AUTS2: variants seen among roughly 807,000 people sequenced by gnomAD.
The protein encoded by AUTS2 is autism susceptibility gene 2 protein.
AUTS2 carries 17 observed loss-of-function variants against 112.4 expected under a neutral mutation model. That is an observed-to-expected ratio of 0.15 (90% CI 0.10 to 0.23). AUTS2 has a LOEUF of 0.23. AUTS2 is among the 10% of genes least tolerant of loss of function. The pLI, the probability that AUTS2 is intolerant of heterozygous loss-of-function variation, is 1.00. For missense variants in AUTS2, 1,510 were observed against 1,701.6 expected, an observed-to-expected ratio of 0.89 and a Z score of 1.98; for synonymous variants, 751 against 702.7, an observed-to-expected ratio of 1.07 and a Z score of -1.09.
At chr7:70,449,415 C>T (rs893261626) in intron 5 of AUTS2, among the ~76,000 whole-genome samples, 1 of 152,160 alleles carries the variant, frequency 6.6e-6, no homozygotes, top group Non-Finnish European at 1.5e-5. Flanking sequence ...GGTGCTTACA[C>T]CTGGATTGGT....
intron 5 of AUTS2, among the ~76,000 whole-genome samples, chr7:70,640,421 GAAA>G (rs57911940): frequency 5.3e-5 from 5 of 93,612 alleles, no homozygotes; most frequent in African/African-American, 1.7e-4. Context: ...CTCACAGGGG[GAAA>G]AAAAAAAAAA....
intron 5 of AUTS2, among the ~76,000 whole-genome samples, chr7:70,629,408 G>C (rs1455368002): frequency 1.3e-5 from 2 of 152,060 alleles, no homozygotes; most frequent in Non-Finnish European, 2.9e-5. Context: ...GGAGGCCAAG[G>C]CTGCCGTGAG....
At chr7:70,132,378 G>C (rs1032231907) in intron 3 of AUTS2, among the ~76,000 whole-genome samples, 12 of 151,990 alleles carry the variant, frequency 7.9e-5, no homozygotes, top group Admixed American at 4.6e-4. Flanking sequence ...GTGCTTAAAT[G>C]CTTTGTTACA....
intron 2 of AUTS2, among the ~76,000 whole-genome samples, chr7:70,096,136 A>G (rs977816183): frequency 1.3e-5 from 2 of 152,192 alleles, no homozygotes. Context: ...TAGTTGTACT[A>G]GTTCACACGG....
intron 4 of AUTS2, among the ~76,000 whole-genome samples, chr7:70,356,468 G>A (rs1009115082): frequency 2.0e-5 from 3 of 152,224 alleles, no homozygotes; most frequent in African/African-American, 7.2e-5. Context: ...CATTTGAGGA[G>A]AAGGATAATT....
intron 5 of AUTS2, among the ~76,000 whole-genome samples, chr7:70,564,235 T>C (rs1400031928): frequency 6.6e-6 from 1 of 152,176 alleles, no homozygotes; most frequent in Non-Finnish European, 1.5e-5. Context: ...AGAAGACAGT[T>C]TTTTGGAAGT....
chr7:70,563,565 A>G (rs977561872), intron 5 of AUTS2, among the ~76,000 whole-genome samples: 2 of 152,198 alleles, frequency 1.3e-5, no homozygotes, highest in African/African-American at 4.8e-5. Flanking sequence ...AATTGGCCTC[A>G]TGCACCCTTG....
intron 4 of AUTS2, among the ~76,000 whole-genome samples, chr7:70,282,790 T>C (rs1216901367): frequency 6.6e-6 from 1 of 152,152 alleles, no homozygotes; most frequent in Non-Finnish European, 1.5e-5. Context: ...AGGAGGGATT[T>C]TGTGGAAGAA....
At chr7:70,533,975 G>A (rs1463014742) in intron 5 of AUTS2, among the ~76,000 whole-genome samples, 1 of 152,218 alleles carries the variant, frequency 6.6e-6, no homozygotes, top group Admixed American at 6.5e-5. Flanking sequence ...CCTTCAGTCT[G>A]GAGAGTAGTG....
At chr7:70,225,630 A>T (rs2129594133) in intron 4 of AUTS2, among the ~76,000 whole-genome samples, 1 of 152,334 alleles carries the variant, frequency 6.6e-6, no homozygotes, top group African/African-American at 2.4e-5. Flanking sequence ...GAAGTAGTTG[A>T]TAGTTTACTA....
At chr7:70,331,304 A>C (rs1294220635) in intron 4 of AUTS2, among the ~76,000 whole-genome samples, 1 of 151,972 alleles carries the variant, frequency 6.6e-6, no homozygotes, top group Non-Finnish European at 1.5e-5. Flanking sequence ...GAATTTATCC[A>C]TTTCTTCTAG....
intron 5 of AUTS2, among the ~76,000 whole-genome samples, chr7:70,506,541 C>G (rs1010004933): frequency 6.6e-6 from 1 of 152,208 alleles, no homozygotes; most frequent in Non-Finnish European, 1.5e-5. Flanking sequence ...GCATCCCACT[C>G]TCCACCAAGA....
intron 2 of AUTS2, among the ~76,000 whole-genome samples, chr7:69,944,938 A>G (rs1236722482): frequency 6.6e-6 from 1 of 152,158 alleles, no homozygotes; most frequent in Non-Finnish European, 1.5e-5. Flanking sequence ...TTTGAGAAGC[A>G]GTTGTATGTA....
At chr7:70,311,086 C>G (rs1194773805) in intron 4 of AUTS2, among the ~76,000 whole-genome samples, 1 of 152,164 alleles carries the variant, frequency 6.6e-6, no homozygotes, top group Non-Finnish European at 1.5e-5. Flanking sequence ...GCCTATGTCC[C>G]TATAAGTGTG....
chr7:69,983,101 T>C (rs1199948498), intron 2 of AUTS2, among the ~76,000 whole-genome samples: 1 of 152,250 alleles, frequency 6.6e-6, no homozygotes, highest in Non-Finnish European at 1.5e-5. Flanking sequence ...CTGTACTAGG[T>C]TGTCTTTTCT....
intron 2 of AUTS2, among the ~76,000 whole-genome samples, chr7:69,953,589 G>A (rs1797108678): frequency 6.6e-6 from 1 of 152,170 alleles, no homozygotes; most frequent in Non-Finnish European, 1.5e-5. Context: ...TCCAACATCT[G>A]GGGAGACCCA....
At chr7:70,521,457 A>G (rs1563013521) in intron 5 of AUTS2, among the ~76,000 whole-genome samples, 1 of 152,220 alleles carries the variant, frequency 6.6e-6, no homozygotes, top group African/African-American at 2.4e-5. Flanking sequence ...AGATGCCTGC[A>G]GAATTCTGTG....
intron 1 of AUTS2, among the ~76,000 whole-genome samples, chr7:69,770,250 C>G (rs930435584): frequency 6.6e-6 from 1 of 152,208 alleles, no homozygotes; most frequent in African/African-American, 2.4e-5. Flanking sequence ...AGCAAAACAT[C>G]TTCTTGCACT....
At chr7:70,076,185 T>C (rs1803021935) in intron 2 of AUTS2, among the ~76,000 whole-genome samples, 1 of 152,228 alleles carries the variant, frequency 6.6e-6, no homozygotes, top group Non-Finnish European at 1.5e-5. Flanking sequence ...TCTCTTTTTT[T>C]GGCGTAAAGA....
Sources: gnomAD v4.1 joint callset for allele counts (sites outside exome capture counted in the v4.1 genomes callset) on GRCh38, gnomAD v4.1.1 for gene constraint, MANE v1.5 for transcripts, NCBI Gene and HGNC (gene_info 2026-07-23, HGNC 2026-07-21) for gene names.